The following PLA2G7 variants were observed in gnomAD, a reference collection of about 807,000 sequenced individuals.
PLA2G7 encodes platelet-activating factor acetylhydrolase.
A neutral mutation model predicts 49.6 loss-of-function variants in PLA2G7; 63 were observed. The ratio of observed to expected loss-of-function variants is 1.27; its 90% CI spans 1.04 to 1.57. PLA2G7 has a LOEUF of 1.57. PLA2G7 is among the 40% of genes most tolerant of loss of function. The pLI is 0.00. For missense variants in PLA2G7, 596 were observed against 521.2 expected (o/e 1.14, Z -1.40); for synonymous variants, 193 against 169.9 (o/e 1.14, Z -1.06).
chr6:46,716,485 C>T lies in PLA2G7; in HGVS notation c.275G>A (p.Arg92His), dbSNP rs1805017. ...RLYYPSQDND[R>H]LDTLWIPNKE... ...ATTTGGGATCCAAAGGGTGTCAAGGCGATCATTATCTTGGGATGGATAATA... is the reference window on the plus strand; with the variant it reads ...ATTTGGGATCCAAAGGGTGTCAAGGTGATCATTATCTTGGGATGGATAATA... Residue 92 changes from arginine to histidine, a missense_variant, in exon 4 of 12, where the codon CGC (arginine) becomes CAC (histidine). Coordinates refer to ENST00000274793, the MANE Select transcript of PLA2G7 (RefSeq NM_005084.4). 445,484 of 1,612,368 alleles carry T rather than the reference C, an allele frequency of 0.28. 65,276 individuals are homozygous for T. The highest frequency in any genetic ancestry group is 0.5 in the South Asian group (45,822 of 91,018).
rs947313733 is a variant in PLA2G7, at chr6:46,713,608, C to G, written c.470+852G>C. ...AGAATTCTTTATTGCAAGTGCTACC[C>G]AACTTCTTCCCAGCTAAAAGCCATC... On this transcript the variant is annotated intron_variant, in intron 5 of 11. Transcript: ENST00000274793. 5.3e-5 allele frequency among the ~76,000 whole-genome samples: 8 copies of G among 152,334 alleles called. No homozygotes were observed. The East Asian group carries it at 1.5e-3, about 29-fold the overall frequency.
chr6:46,718,603 C>T (rs565678588), intron 2 of PLA2G7, among the ~76,000 whole-genome samples: 6 of 152,310 alleles, frequency 3.9e-5, no homozygotes, highest in African/African-American at 1.4e-4. Flanking sequence ...TTTGTAAATG[C>T]TACTGCCTAT....
intron 9 of PLA2G7, among the ~76,000 whole-genome samples, chr6:46,708,562 T>C (rs1324022597): frequency 2.0e-5 from 3 of 152,104 alleles, no homozygotes; most frequent in African/African-American, 4.8e-5. Context: ...TTTATTAGAG[T>C]AACAATTGGG....
intron 10 of PLA2G7, among the ~76,000 whole-genome samples, chr6:46,707,238 TAA>T (rs1254383452): frequency 6.6e-6 from 1 of 152,184 alleles, no homozygotes; most frequent in African/African-American, 2.4e-5. Flanking sequence ...ACTTTTTCTT[TAA>T]AGAGTTCCTA....
intron 10 of PLA2G7, 98 bp from the exon 11 acceptor site, chr6:46,705,399 T>C (rs1764783559): frequency 1.1e-6 from 1 of 939,912 alleles, no homozygotes; most frequent in Non-Finnish European, 1.7e-6. Context: ...TTGGTCTGTT[T>C]ACTGAAAACC....
intron 8 of PLA2G7, among the ~76,000 whole-genome samples, chr6:46,709,673 C>T (rs189045624): frequency 1.3e-5 from 2 of 152,304 alleles, no homozygotes; most frequent in East Asian, 3.9e-4. Context: ...TCTTTGTAGT[C>T]ACCCACACTG....
chr6:46,709,643 T>C (rs1764946005), intron 8 of PLA2G7, among the ~76,000 whole-genome samples: 1 of 152,086 alleles, frequency 6.6e-6, no homozygotes, highest in Non-Finnish European at 1.5e-5. Context: ...TATGTAAAGG[T>C]TTGAAAGTAA....
At chr6:46,718,744 G>A (rs1001724230) in intron 2 of PLA2G7, among the ~76,000 whole-genome samples, 10 of 152,178 alleles carry the variant, frequency 6.6e-5, no homozygotes, top group Admixed American at 3.9e-4. Flanking sequence ...TAGATTCTAT[G>A]TGCATGTGTG....
At chr6:46,716,244 A>AC (rs397826464) in intron 4 of PLA2G7, 140 bp downstream of exon 4, 2 of 885,904 alleles carry the variant, frequency 2.3e-6, no homozygotes, top group Non-Finnish European at 3.6e-6. Flanking sequence ...TGGGCTTTAA[A>AC]GAAATACTTT....
intron 4 of PLA2G7, among the ~76,000 whole-genome samples, chr6:46,715,434 T>C (rs1233989779): frequency 1.3e-5 from 2 of 152,212 alleles, no homozygotes; most frequent in African/African-American, 4.8e-5. Context: ...ATCTCTTTCA[T>C]AGGGTTTTTG....
In PLA2G7 at chr6:46,724,111, G is replaced by A. The variant is rs552192077; in HGVS notation, c.-34-1186C>T. On this transcript the variant is annotated intron_variant, in intron 1 of 11. Coordinates refer to ENST00000274793, the MANE Select transcript of PLA2G7 (RefSeq NM_005084.4). Reference sequence around the variant, plus strand: ...TTTTTGCTCCAGTGATACTTTCTCAGTGACACTTTCCCGGTTCAATCTATT... The same window carrying A: ...TTTTTGCTCCAGTGATACTTTCTCAATGACACTTTCCCGGTTCAATCTATT... 5.3e-5 allele frequency among the ~76,000 whole-genome samples: 8 copies of A among 152,250 alleles called. 1 individual carries two copies. In the East Asian group the frequency reaches 1.5e-3, roughly 29 times the overall value.
At chr6:46,730,418 A>G (rs1328043956) in intron 1 of PLA2G7, among the ~76,000 whole-genome samples, 1 of 152,218 alleles carries the variant, frequency 6.6e-6, no homozygotes, top group African/African-American at 2.4e-5. Context: ...TTCCTGCATT[A>G]CATGAAGGTG....
Position 46,717,000 on chromosome 6 carries a change from T to C in PLA2G7, c.206A>G (p.Asp69Gly), listed in dbSNP as rs201315851. The change falls in exon 3 of 12, where the codon GAC (aspartate) becomes GGC (glycine). Residue 69 changes from aspartate to glycine, a missense_variant. Asp to Gly is a moderately conservative substitution (Grantham distance 94). Coordinates refer to ENST00000274793, the MANE Select transcript of PLA2G7 (RefSeq NM_005084.4). Reference sequence around the variant, plus strand: ...CTTATTAGTGTGATCAAACATTAAGTCTGTACAACCAACGGAATAAGGCCC... The same window carrying C: ...CTTATTAGTGTGATCAAACATTAAGCCTGTACAACCAACGGAATAAGGCCC... ...GNGPYSVGCT[D>G]LMFDHTNKGT... 8 of 1,613,772 alleles carry C rather than the reference T, an allele frequency of 5.0e-6. No homozygotes were observed. In the Admixed American group the frequency reaches 1.3e-4, roughly 27 times the overall value.
intron 10 of PLA2G7, among the ~76,000 whole-genome samples, chr6:46,706,149 C>G (rs1197689966): frequency 1.3e-5 from 2 of 152,150 alleles, no homozygotes; most frequent in Admixed American, 6.5e-5. Context: ...TGTACAGATT[C>G]CTCAGTTCTC....
chr6:46,709,435 G>T lies in PLA2G7; in HGVS notation c.778-17C>A. ...AATAGAGTCCTATTTGAAAAAGCAT[G>T]ATATAAATTTATAGCTATTTCGTGG... On this transcript the variant is annotated splice_polypyrimidine_tract_variant and intron_variant, in intron 8 of 11. Coordinates refer to ENST00000274793, the MANE Select transcript of PLA2G7 (RefSeq NM_005084.4). 7.3e-7 allele frequency: 1 copy of T among 1,370,530 alleles called. No individual in the cohort carries two copies. Among genetic ancestry groups the T allele is most frequent in the Non-Finnish European group, 1.0e-6 (1 of 958,758 alleles). 84.9% of individuals were successfully genotyped at this position (1,370,530 alleles called of 1,614,324 possible).
At chr6:46,713,416 CA>C (rs1765097194) in intron 5 of PLA2G7, among the ~76,000 whole-genome samples, 1 of 152,064 alleles carries the variant, frequency 6.6e-6, no homozygotes, top group Non-Finnish European at 1.5e-5. Context: ...TGTTGTAGGA[CA>C]AAAGTAGCCA....
Position 46,704,505 on chromosome 6 carries a change from CACACAT to C in PLA2G7, c.*49_*54del. Reference sequence around the variant, plus strand: ...ACACACACACACACACACACACACACACACATAATTTTAGACAGTTTTGAAACAAGA... The same window carrying C: ...ACACACACACACACACACACACACACAATTTTAGACAGTTTTGAAACAAGA... On this transcript the variant is annotated 3_prime_UTR_variant, in exon 12 of 12. Transcript: ENST00000274793. The C allele has an allele frequency of 1.1e-6, 1 of 925,806 alleles. No individual in the cohort carries two copies. Among genetic ancestry groups the C allele is most frequent in the Non-Finnish European group, 1.7e-6 (1 of 571,796 alleles). The allele number at this position is 925,806 out of a possible 1,614,324, so 57.3% of individuals were successfully genotyped here.
At chr6:46,714,801 T>A (rs1375302993) in intron 4 of PLA2G7, among the ~76,000 whole-genome samples, 2 of 147,854 alleles carry the variant, frequency 1.4e-5, no homozygotes, top group Non-Finnish European at 3.0e-5. Flanking sequence ...AATGGCACAA[T>A]CTCGGCTCAC....
chr6:46,717,543 A>G (rs1245004652), intron 2 of PLA2G7, among the ~76,000 whole-genome samples: 1 of 151,822 alleles, frequency 6.6e-6, no homozygotes, highest in Non-Finnish European at 1.5e-5. Flanking sequence ...AAACTAAATG[A>G]TCATCTTTCA....
Sources: allele counts gnomAD v4.1 joint callset (sites outside exome capture counted in the v4.1 genomes callset), GRCh38; gene constraint gnomAD v4.1.1; transcripts MANE v1.5; gene names NCBI Gene and HGNC (gene_info 2026-07-23, HGNC 2026-07-21).